The following PIGZ variants were observed in gnomAD, a reference collection of about 807,000 sequenced individuals.
PIGZ encodes the protein GPI alpha-1,2-mannosyltransferase 4.
In PIGZ, 16 loss-of-function variants were observed where a neutral mutation model predicts 16.4. That is an observed-to-expected ratio of 0.97 (90% CI 0.66 to 1.48). The LOEUF (loss-of-function observed/expected upper bound fraction) is 1.48, where lower values mean the gene tolerates loss of function less well. Among genes scored for constraint, PIGZ ranks in the 40% most tolerant of loss-of-function variants. PIGZ has a pLI of 0.00. For missense variants in PIGZ, 770 were observed against 739.2 expected (o/e 1.04, Z -0.48); for synonymous variants, 409 against 338.4 (o/e 1.21, Z -2.29).
At position 196,952,011 on chromosome 3, in the gene PIGZ, G is replaced by T. The variant is rs748578566; in HGVS notation, c.21C>A (p.Ser7Arg). 3 of 1,613,992 alleles carry T rather than the reference G, an allele frequency of 1.9e-6. No individual in the cohort carries two copies. The highest frequency in any genetic ancestry group is 2.5e-6 in the Non-Finnish European group (3 of 1,179,964). Residue 7 changes from serine to arginine, a missense_variant, in exon 2 of 3, where the codon AGC becomes AGA. By Grantham distance (110) the Ser-to-Arg change is moderately radical. Transcript: ENST00000412723. MQICGS[S>R]VASVAAGTSF... ...ATGTCCCAGCTGCTACAGATGCTAC[G>T]CTGGATCCACAGATCTGCATCTGTT...
chr3:196,951,387 A>T (rs1717276674), intron 2 of PIGZ, among the ~76,000 whole-genome samples: 1 of 152,178 alleles, frequency 6.6e-6, no homozygotes, highest in South Asian at 2.1e-4. Context: ...CGCCTAACAG[A>T]TGAGTGAGTG....
At chr3:196,953,916 C>T (rs372215074) in intron 1 of PIGZ, among the ~76,000 whole-genome samples, 1 of 151,864 alleles carries the variant, frequency 6.6e-6, no homozygotes, top group South Asian at 2.1e-4. Flanking sequence ...TCACTTGAAC[C>T]CAGGAATTTG....
Position 196,949,022 on chromosome 3 carries a change from T to C in PIGZ, c.212-337A>G, listed in dbSNP as rs1309753156. Among the ~76,000 whole-genome samples, 33 of 52,076 alleles carry C rather than the reference T, an allele frequency of 6.3e-4. 6 individuals are homozygous for C. In the East Asian group the frequency reaches 0.021, roughly 34 times the overall value. The allele number at this position is 52,076 out of a possible 152,430, so 34.2% of individuals were successfully genotyped here. Reference sequence around the variant, plus strand: ...TTTACTTCTCTTTCCCTCCCCTCCCTTCCCTTCCTTCCCTTCCTTCCTTCC... The same window carrying C: ...TTTACTTCTCTTTCCCTCCCCTCCCCTCCCTTCCTTCCCTTCCTTCCTTCC... On this transcript the variant is annotated intron_variant, in intron 2 of 2. Transcript: ENST00000412723.
Position 196,946,815 on chromosome 3 carries a change from C to A in PIGZ, c.*342G>T, listed in dbSNP as rs1716899041. On this transcript the variant is annotated 3_prime_UTR_variant, in exon 3 of 3. Coordinates refer to ENST00000412723, the MANE Select transcript of PIGZ (RefSeq NM_025163.4). ...TGGGAGAGGTCATTGAGGAATGTCA[C>A]TAGCAGTTCATTGTCTTTTTTCACA... 1 of 227,096 alleles carries A rather than the reference C, an allele frequency of 4.4e-6. No individual in the cohort carries two copies. Among genetic ancestry groups the A allele is most frequent in the Non-Finnish European group, 8.6e-6 (1 of 116,604 alleles). The allele number at this position is 227,096 out of a possible 1,614,324, so 14.1% of individuals were successfully genotyped here.
intron 2 of PIGZ, among the ~76,000 whole-genome samples, chr3:196,949,800 C>A (rs565168328): frequency 1.3e-5 from 2 of 152,030 alleles, no homozygotes; most frequent in South Asian, 4.2e-4. Flanking sequence ...GGAGGCCTAA[C>A]CTCTTCTCAG....
chr3:196,952,437 T>G (rs915819139), intron 1 of PIGZ, among the ~76,000 whole-genome samples: 1 of 152,124 alleles, frequency 6.6e-6, no homozygotes, highest in Admixed American at 6.5e-5. Context: ...GTTGTGGTTT[T>G]TTTGTTTGTT....
intron 1 of PIGZ, among the ~76,000 whole-genome samples, chr3:196,954,443 A>C (rs1007182843): frequency 2.0e-5 from 3 of 152,192 alleles, no homozygotes; most frequent in East Asian, 3.8e-4. Flanking sequence ...TTACTTGTGC[A>C]TTCTTTTTTC....
chr3:196,968,306 A>G (rs1197719185), intron 1 of PIGZ, among the ~76,000 whole-genome samples: 2 of 152,174 alleles, frequency 1.3e-5, no homozygotes, highest in African/African-American at 4.8e-5. Flanking sequence ...ACCAGGGGGA[A>G]CTGAGACCCA....
intron 1 of PIGZ, among the ~76,000 whole-genome samples, chr3:196,953,322 T>C (rs561029240): frequency 6.6e-6 from 1 of 152,314 alleles, no homozygotes; most frequent in East Asian, 1.9e-4. Context: ...GCAGGCTGCT[T>C]CTTGCATTTC....
chr3:196,952,729 C>A (rs1717339248), intron 1 of PIGZ, among the ~76,000 whole-genome samples: 1 of 152,200 alleles, frequency 6.6e-6, no homozygotes, highest in Non-Finnish European at 1.5e-5. Flanking sequence ...AGCCACCGTG[C>A]CCAGCTAAGA....
intron 1 of PIGZ, among the ~76,000 whole-genome samples, chr3:196,964,817 A>G (rs1717863002): frequency 1.3e-5 from 2 of 152,066 alleles, no homozygotes; most frequent in African/African-American, 4.8e-5. Flanking sequence ...GCTCATTGCA[A>G]CCTCTGCCTC....
At chr3:196,961,259 A>G (rs1447232265) in intron 1 of PIGZ, among the ~76,000 whole-genome samples, 1 of 152,234 alleles carries the variant, frequency 6.6e-6, no homozygotes, top group African/African-American at 2.4e-5. Flanking sequence ...GATACGGGAC[A>G]GAAGTAGTAG....
At position 196,952,014 on chromosome 3, in the gene PIGZ, G is replaced by A; in HGVS notation, c.18C>T (p.Ser6=). ...TCCCAGCTGCTACAGATGCTACGCT[G>A]GATCCACAGATCTGCATCTGTTGAG... is the stretch of plus-strand genomic sequence containing the variant. MQICG[S]SVASVAAGTS... is the part of the protein sequence containing the mutation. Residue 6 remains serine (S), a synonymous_variant, in exon 2 of 3, where the codon TCC becomes TCT. Transcript: ENST00000412723. The A allele has an allele frequency of 1.9e-6, 3 of 1,613,982 alleles. No homozygotes were observed. The highest frequency in any genetic ancestry group is 1.7e-6 in the Non-Finnish European group (2 of 1,179,972).
Position 196,947,495 on chromosome 3 carries a change from G to C in PIGZ, c.1402C>G (p.Pro468Ala), listed in dbSNP as rs776159926. ...GGGAGGTGTAGGAGGTGCCGGGGGG[G>C]CATGTAGGTGTGAGTGAAGAGGAGT... ...YTLLFTHTYM[P>A]PRHLLHLPGL... is the part of the protein sequence containing the mutation. The change falls in exon 3 of 3, where the codon CCC becomes GCC. Residue 468 changes from proline (P) to alanine (A), a missense_variant. Coordinates refer to ENST00000412723, the MANE Select transcript of PIGZ (RefSeq NM_025163.4). 6.2e-7 allele frequency: 1 copy of C among 1,613,548 alleles called. No individual in the cohort carries two copies. Among genetic ancestry groups the C allele is most frequent in the African/African-American group, 1.3e-5 (1 of 74,940 alleles).
chr3:196,959,338 G>A (rs567180598), intron 1 of PIGZ, among the ~76,000 whole-genome samples: 8 of 152,292 alleles, frequency 5.3e-5, no homozygotes, highest in Admixed American at 2.0e-4. Flanking sequence ...CATTCAGTGA[G>A]TATTTTCAAT....
At chr3:196,966,220 G>A (rs1217386461) in intron 1 of PIGZ, among the ~76,000 whole-genome samples, 2 of 152,150 alleles carry the variant, frequency 1.3e-5, no homozygotes, top group African/African-American at 4.8e-5. Context: ...CAGGTAACCC[G>A]GTTCAAGTCG....
In PIGZ at chr3:196,947,429, TC is replaced by T. The variant is rs759867499; in HGVS notation, c.1467del (p.Thr490LeufsTer10). 80 of 1,613,456 alleles carry T rather than the reference TC, an allele frequency of 5.0e-5. No individual in the cohort carries two copies. The highest frequency in any genetic ancestry group is 7.7e-5 in the South Asian group (7 of 91,050). ...GTTTGGCACAGGGCCCAGTCCTCAG[TC>T]CCCCCCATGTCCACCACCTCCACTG... ...GAPVEVVDMGGTEDWALCQTL... is the reference protein window; with the variant it reads ...GAPVEVVDMGXTEDWALCQTL... On this transcript the variant is annotated frameshift_variant, in exon 3 of 3. Coordinates refer to ENST00000412723, the MANE Select transcript of PIGZ (RefSeq NM_025163.4). LOFTEE classifies it high-confidence loss of function.
intron 1 of PIGZ, among the ~76,000 whole-genome samples, chr3:196,960,737 G>GAGAAAGAGAAAGAAAGAAAGAA (rs1717685025): frequency 7.1e-6 from 1 of 140,394 alleles, no homozygotes; most frequent in Non-Finnish European, 1.5e-5. Context: ...AAGAAAGAAA[G>GAGAAAGAGAAAGAAAGAAAGAA]AGAAAGAAAG....
chr3:196,954,930 C>CT (rs141122759), intron 1 of PIGZ, among the ~76,000 whole-genome samples: 2,068 of 145,152 alleles, frequency 0.014, 15 homozygotes, highest in African/African-American at 0.027. Context: ...TTGTTGAAAT[C>CT]TTTTTTTTTT....
Sources: gnomAD v4.1 joint callset for allele counts (sites outside exome capture counted in the v4.1 genomes callset) on GRCh38, gnomAD v4.1.1 for gene constraint, MANE v1.5 for transcripts, NCBI Gene and HGNC (gene_info 2026-07-23, HGNC 2026-07-21) for gene names.